SH2B1: variants seen among roughly 807,000 people sequenced by gnomAD.
SH2B1 encodes the protein SH2B adaptor protein 1.
A neutral mutation model predicts 62.6 loss-of-function variants in SH2B1; 15 were observed. The observed-to-expected ratio is 0.24, with a 90% CI of 0.16 to 0.37. The LOEUF (loss-of-function observed/expected upper bound fraction) is 0.37, where lower values mean the gene tolerates loss of function less well. Ranked by LOEUF, SH2B1 falls within the 10% of genes least tolerant of loss-of-function variation. The probability of loss-of-function intolerance (pLI) is 1.00; values close to 1 mark genes in which losing one functional copy is unlikely to be tolerated. For missense variants in SH2B1, 925 were observed against 1,015.6 expected (o/e 0.91, Z 1.21); for synonymous variants, 443 against 438.0 (o/e 1.01, Z -0.14).
intron 1 of SH2B1, among the ~76,000 whole-genome samples, chr16:28,847,889 G>T (rs1480671723): frequency 6.9e-6 from 1 of 145,476 alleles, no homozygotes; most frequent in Non-Finnish European, 1.5e-5. Flanking sequence ...GCAATGGGGC[G>T]ATCTCGGCTC....
rs1962562813 is a variant in SH2B1 at position 28,864,248 on chromosome 16, G to C, written c.-1847G>C. Reference sequence around the variant, plus strand: ...ACCTCCCGCCCTTCGGGAAATATCAGAACTGAGCCAGGAGGCAGGTGCACC... The same window carrying C: ...ACCTCCCGCCCTTCGGGAAATATCACAACTGAGCCAGGAGGCAGGTGCACC... On this transcript the variant is annotated 5_prime_UTR_variant, in exon 1 of 8. Coordinates refer to ENST00000684370, the MANE Select transcript of SH2B1 (RefSeq NM_001387430.1). 1 of 1,013,086 alleles carries C rather than the reference G, an allele frequency of 9.9e-7. No individual in the cohort carries two copies. The highest frequency in any genetic ancestry group is 1.2e-6 in the Non-Finnish European group (1 of 846,876). The allele number at this position is 1,013,086 out of a possible 1,614,324, so 62.8% of individuals were successfully genotyped here. A position where few individuals can be genotyped will look rare whatever the true frequency, so the allele number is the denominator to read the frequency against.
At position 28,872,406 on chromosome 16, in the gene SH2B1, G is replaced by A; in HGVS notation, c.1725+5G>A. On this transcript the variant is annotated splice_donor_5th_base_variant and intron_variant, in intron 6 of 7. Coordinates refer to ENST00000684370, the MANE Select transcript of SH2B1 (RefSeq NM_001387430.1). The surrounding 1 kb of genome is among the most constrained non-coding windows in gnomAD (Gnocchi z 5.3). ...AACTTCCAGGGCAAGGCCAAGGTGA[G>A]CCACCCTGTGGGAAAGGCTCTGTTC... 2 of 1,595,740 alleles carry A rather than the reference G, an allele frequency of 1.3e-6. No homozygotes were observed. Among genetic ancestry groups the A allele is most frequent in the South Asian group, 1.1e-5 (1 of 87,600 alleles).
rs763706148 is a variant in SH2B1, at chr16:28,873,562, C to T, written c.2013C>T (p.Ala671=). Residue 671 remains alanine (A), a synonymous_variant, in exon 8 of 8, where the codon GCC becomes GCT. Coordinates refer to ENST00000684370, the MANE Select transcript of SH2B1 (RefSeq NM_001387430.1). This position sits in a 1 kb window ranked among gnomAD's most constrained non-coding sequence, Gnocchi z 4.2. The part of the protein sequence containing the change: ...SRAPEVAAAA[A]AAAKERQEKE... ...CGCCAGAAGTGGCGGCAGCAGCAGC[C>T]GCAGCAGCCAAAGAGAGGCAAGAGA... The T allele has an allele frequency of 1.2e-5, 19 of 1,597,754 alleles. No homozygotes were observed. The highest frequency in any genetic ancestry group is 2.2e-5 in the South Asian group (2 of 89,498).
In SH2B1 at chr16:28,869,244, C is replaced by T. The variant is rs749720837; in HGVS notation, c.1170C>T (p.Leu390=). Residue 390 remains leucine, a synonymous_variant, in exon 4 of 8, where the codon CTC becomes CTT. Coordinates refer to ENST00000684370, the MANE Select transcript of SH2B1 (RefSeq NM_001387430.1). ...CPATSPRPMT[L]PLAPGTSFLT... ...CTACCAGTCCCCGCCCCATGACCCT[C>T]CCTCTGGCCCCTGGGACCTCATTCC... is the stretch of plus-strand genomic sequence containing the variant. 2 of 1,614,164 alleles carry T rather than the reference C, an allele frequency of 1.2e-6. No homozygotes were observed. The highest frequency in any genetic ancestry group is 2.2e-5 in the East Asian group (1 of 44,882).
rs1409176295 is a variant in SH2B1 at position 28,852,764 on chromosome 16, ATATATT to A, written c.-301+5943_-301+5948del. On this transcript the variant is annotated intron_variant, in intron 1 of 10. Transcript: ENST00000322610. ...TATATATTTACATATATATGTATAT[ATATATT>A]TATATATATATTTACATATATATTT... 9.6e-5 allele frequency among the ~76,000 whole-genome samples: 7 copies of A among 73,288 alleles called. 1 individual carries two copies. The highest frequency in any genetic ancestry group is 3.7e-4 in the African/African-American group (7 of 19,120). 48.1% of individuals were successfully genotyped at this position (73,288 alleles called of 152,430 possible).
upstream of SH2B1, chr16:28,862,149 G>A (rs990647831): frequency 1.3e-5 from 2 of 152,192 alleles, no homozygotes; most frequent in African/African-American, 2.4e-5. Flanking sequence ...TGGATGGGTG[G>A]AGGATCTCAC....
rs558951928 is a variant in SH2B1, at chr16:28,858,810, C to T, written c.-300-2808C>T. On this transcript the variant is annotated intron_variant, in intron 1 of 10. Coordinates refer to the SH2B1 transcript ENST00000322610. Reference sequence around the variant, plus strand: ...CAAAAATTAGCCAGGCCTGGTGGCGCACGCCTGTAATCTCAGCTATTCGGG... The same window carrying T: ...CAAAAATTAGCCAGGCCTGGTGGCGTACGCCTGTAATCTCAGCTATTCGGG... 3.9e-5 allele frequency among the ~76,000 whole-genome samples: 6 copies of T among 151,942 alleles called. No homozygotes were observed. In the South Asian group the frequency reaches 1.2e-3, roughly 32 times the overall value.
chr16:28,866,971 C>T lies in SH2B1; in HGVS notation c.877C>T (p.Leu293=). ...GQPQWQKCRL[L]LRSEGEGGGG... ...GCCTCAGTGGCAGAAGTGTCGCCTGCTGCTTCGAAGTGAAGGAGAAGGAGG... is the reference window on the plus strand; with the variant it reads ...GCCTCAGTGGCAGAAGTGTCGCCTGTTGCTTCGAAGTGAAGGAGAAGGAGG... Residue 293 remains leucine (L), a synonymous_variant, in exon 1 of 8, where the codon CTG becomes TTG. Coordinates refer to ENST00000684370, the MANE Select transcript of SH2B1 (RefSeq NM_001387430.1). This position sits in a 1 kb window ranked among gnomAD's most constrained non-coding sequence, Gnocchi z 6.3. The T allele has an allele frequency of 6.2e-7, 1 of 1,606,302 alleles. No homozygotes were observed. The highest frequency in any genetic ancestry group is 8.5e-7 in the Non-Finnish European group (1 of 1,179,954).
intron 1 of SH2B1, among the ~76,000 whole-genome samples, chr16:28,849,725 G>A (rs1189981985): frequency 1.3e-5 from 2 of 152,070 alleles, no homozygotes; most frequent in Admixed American, 6.6e-5. Context: ...CCAGGAGTTC[G>A]AGACCAGCCT....
intron 4 of SH2B1, 91 bp from the exon 5 acceptor site, chr16:28,871,689 C>G: frequency 9.5e-7 from 1 of 1,047,774 alleles, no homozygotes; most frequent in South Asian, 1.3e-5. Flanking sequence ...CGACTGCACA[C>G]AGGGTAGACT....
rs918981700 is a variant in SH2B1, at chr16:28,851,628, A to G, written c.-301+4801A>G. The stretch of plus-strand genomic sequence containing the variant: ...CAGGCGCCTGCCACCACGCCCAGGT[A>G]ATTTTTTTGTATTTTTAGTAGAGAT... On this transcript the variant is annotated intron_variant, in intron 1 of 10. Coordinates refer to the SH2B1 transcript ENST00000322610. Among the ~76,000 whole-genome samples, 6 of 151,238 alleles carry G rather than the reference A, an allele frequency of 4.0e-5. No individual in the cohort carries two copies. The East Asian group carries it at 7.9e-4, about 20-fold the overall frequency.
At chr16:28,851,210 G>T (rs1293442032) in intron 1 of SH2B1, among the ~76,000 whole-genome samples, 1 of 148,998 alleles carries the variant, frequency 6.7e-6, no homozygotes, top group East Asian at 1.9e-4. Context: ...TCCAAAACAG[G>T]ACTCTCCACT....
At chr16:28,852,066 CA>C (rs1169956598) in intron 1 of SH2B1, among the ~76,000 whole-genome samples, 2 of 128,720 alleles carry the variant, frequency 1.6e-5, no homozygotes, top group East Asian at 4.4e-4. Context: ...GACTCTGTCT[CA>C]AAAAAAAGAA....
At position 28,865,678 on chromosome 16, in the gene SH2B1, A is replaced by G. The variant is rs1301934966; in HGVS notation, c.-417A>G. The G allele has an allele frequency of 2.0e-6, 2 of 1,000,170 alleles. No homozygotes were observed. The highest frequency in any genetic ancestry group is 3.5e-5 in the African/African-American group (2 of 57,750). 62.0% of individuals were successfully genotyped at this position (1,000,170 alleles called of 1,614,324 possible). ...ATGGCTCATGGGAAGTGTGACATGA[A>G]TATTGGAGGATCCGATGTAGAGGGG... On this transcript the variant is annotated 5_prime_UTR_variant, in exon 1 of 8. Transcript: ENST00000684370.
In SH2B1 at chr16:28,865,423, GCTCT is replaced by G; in HGVS notation, c.-669_-666del. 1 of 985,566 alleles carries G rather than the reference GCTCT, an allele frequency of 1.0e-6. No individual in the cohort carries two copies. The allele number at this position is 985,566 out of a possible 1,614,324, so 61.1% of individuals were successfully genotyped here. ...TTGGACCCTAAGATGCGTGAGGCAG[GCTCT>G]CTAAGGTCTAGAATCCCAGCTCCTC... is the stretch of plus-strand genomic sequence containing the variant. On this transcript the variant is annotated 5_prime_UTR_variant, in exon 1 of 8. It removes the in-frame stop codon of an upstream open reading frame in the 5' UTR. Transcript: ENST00000684370.
At chr16:28,870,903 T>C (rs1962987613) in intron 4 of SH2B1, among the ~76,000 whole-genome samples, 1 of 152,108 alleles carries the variant, frequency 6.6e-6, no homozygotes, top group African/African-American at 2.4e-5. Flanking sequence ...CCCAAGTTGG[T>C]CTTGAACTCC....
upstream of SH2B1, among the ~76,000 whole-genome samples, chr16:28,860,522 C>T (rs992713335): frequency 5.3e-5 from 8 of 151,896 alleles, no homozygotes; most frequent in African/African-American, 1.2e-4. Flanking sequence ...GAATTACAGG[C>T]GGGAGCCACC....
At chr16:28,871,087 G>A (rs1279617740) in intron 4 of SH2B1, among the ~76,000 whole-genome samples, 2 of 151,286 alleles carry the variant, frequency 1.3e-5, no homozygotes, top group Non-Finnish European at 2.9e-5. Flanking sequence ...AAACAATCTC[G>A]GCTCACTGCA....
chr16:28,867,188 C>A, intron 1 of SH2B1, 143 bp from the exon 2 acceptor site: 1 of 1,255,998 alleles, frequency 8.0e-7, no homozygotes. Flanking sequence ...GTGTTAGCAG[C>A]TGCGGGCAGG....
Sources: allele counts gnomAD v4.1 joint callset (sites outside exome capture counted in the v4.1 genomes callset), GRCh38; gene constraint gnomAD v4.1.1; non-coding constraint Gnocchi (gnomAD v3.1); transcripts MANE v1.5; gene names NCBI Gene and HGNC (gene_info 2026-07-23, HGNC 2026-07-21).